Variants in MPPED2 observed in about 807,000 individuals in gnomAD.
MPPED2 encodes metallophosphoesterase domain containing 2.
A neutral mutation model predicts 33.0 loss-of-function variants in MPPED2; 5 were observed. The ratio of observed to expected loss-of-function variants is 0.15; its 90% CI spans 0.08 to 0.32. The LOEUF (loss-of-function observed/expected upper bound fraction) is 0.32. MPPED2 is among the 10% of genes least tolerant of loss of function. The pLI, the probability that MPPED2 is intolerant of heterozygous loss-of-function variation, is 1.00. For synonymous variants in MPPED2, 136 were observed against 141.9 expected, an observed-to-expected ratio of 0.96 and a Z score of 0.29; for missense variants, 275 against 372.1, an observed-to-expected ratio of 0.74 and a Z score of 2.15.
In MPPED2 at chr11:30,519,786, C is replaced by T. The variant is rs192137130; in HGVS notation, c.310+16208G>A. ...TTATTACTATTACTACCACTACCAT[C>T]ACCATCACCACCACTAACATTATTA... On this transcript the variant is annotated intron_variant, in intron 3 of 6. Coordinates refer to ENST00000358117, the MANE Select transcript of MPPED2 (RefSeq NM_001584.3). Among the ~76,000 whole-genome samples the T allele has an allele frequency of 2.0e-5, 3 of 152,204 alleles. No individual in the cohort carries two copies. In the East Asian group the frequency reaches 5.8e-4, roughly 30 times the overall value.
At chr11:30,484,811 C>G (rs1003474464) in intron 4 of MPPED2, among the ~76,000 whole-genome samples, 1 of 152,134 alleles carries the variant, frequency 6.6e-6, no homozygotes, top group African/African-American at 2.4e-5. Context: ...TGCAAAGAAA[C>G]TGTACAATAT....
At chr11:30,440,448 C>T (rs1021402565) in intron 4 of MPPED2, among the ~76,000 whole-genome samples, 1 of 152,150 alleles carries the variant, frequency 6.6e-6, no homozygotes, top group Non-Finnish European at 1.5e-5. Context: ...ACCATATGGG[C>T]CGTAAAGTCT....
At chr11:30,465,354 C>A (rs890793269) in intron 4 of MPPED2, among the ~76,000 whole-genome samples, 11 of 152,192 alleles carry the variant, frequency 7.2e-5, no homozygotes, top group Non-Finnish European at 1.3e-4. Flanking sequence ...GTGGCATGAT[C>A]TCAGCTCACT....
At position 30,415,991 on chromosome 11, in the gene MPPED2, G is replaced by A. The variant is rs1331415894; in HGVS notation, c.652+1527C>T. 5.3e-5 allele frequency among the ~76,000 whole-genome samples: 8 copies of A among 152,356 alleles called. No homozygotes were observed. The South Asian group carries it at 1.7e-3, about 32-fold the overall frequency. ...AGGTAGCTGAAATGATAACTCTGTA[G>A]GATGCTCTCACTGGGTAACTCATGC... is the stretch of plus-strand genomic sequence containing the variant. On this transcript the variant is annotated intron_variant, in intron 5 of 6. Transcript: ENST00000358117.
chr11:30,436,887 C>T (rs1037501761), intron 4 of MPPED2, among the ~76,000 whole-genome samples: 1 of 152,150 alleles, frequency 6.6e-6, no homozygotes, highest in African/African-American at 2.4e-5. Flanking sequence ...CCAAATCAGG[C>T]AACTTCTAGG....
intron 4 of MPPED2, among the ~76,000 whole-genome samples, chr11:30,431,471 A>G (rs2133846505): frequency 6.6e-6 from 1 of 152,362 alleles, no homozygotes; most frequent in South Asian, 2.1e-4. Flanking sequence ...GGAACATTAA[A>G]TGAAATAATC....
chr11:30,519,845 G>T (rs1953754673), intron 3 of MPPED2, among the ~76,000 whole-genome samples: 1 of 152,034 alleles, frequency 6.6e-6, no homozygotes, highest in Non-Finnish European at 1.5e-5. Context: ...TCTAAATTGA[G>T]GTAATAAAGG....
At chr11:30,528,702 T>C (rs917833461) in intron 3 of MPPED2, among the ~76,000 whole-genome samples, 1 of 152,196 alleles carries the variant, frequency 6.6e-6, no homozygotes, top group African/African-American at 2.4e-5. Flanking sequence ...CAAGTGATCC[T>C]TAGGCTTCAA....
At chr11:30,460,473 A>C (rs1170457626) in intron 4 of MPPED2, among the ~76,000 whole-genome samples, 6 of 152,010 alleles carry the variant, frequency 3.9e-5, no homozygotes, top group Admixed American at 3.9e-4. Flanking sequence ...TTTTTTTAAA[A>C]AGTTAGCCAG....
In MPPED2 at chr11:30,440,254, C is replaced by G. The variant is rs1480037862; in HGVS notation, c.537-22621G>C. On this transcript the variant is annotated intron_variant, in intron 4 of 6. Coordinates refer to ENST00000358117, the MANE Select transcript of MPPED2 (RefSeq NM_001584.3). ...CTCGGGCAGGAGAATTGCTTGAATC[C>G]GGGAGGCGGAGGTTGCAGTGAGCCG... Among the ~76,000 whole-genome samples the G allele has an allele frequency of 2.6e-5, 4 of 151,390 alleles. No individual in the cohort carries two copies. In the East Asian group the frequency reaches 5.8e-4, roughly 22 times the overall value.
At chr11:30,465,244 C>G (rs566278966) in intron 4 of MPPED2, among the ~76,000 whole-genome samples, 1 of 152,274 alleles carries the variant, frequency 6.6e-6, no homozygotes, top group South Asian at 2.1e-4. Flanking sequence ...ACACACTGGA[C>G]AGTAAATGTT....
intron 4 of MPPED2, among the ~76,000 whole-genome samples, chr11:30,482,289 T>C (rs915488578): frequency 1.3e-5 from 2 of 152,222 alleles, no homozygotes; most frequent in African/African-American, 4.8e-5. Context: ...CTGTACATTT[T>C]TGGTGAGGAT....
intron 2 of MPPED2, among the ~76,000 whole-genome samples, chr11:30,558,371 T>A (rs1698001615): frequency 6.6e-6 from 1 of 151,930 alleles, no homozygotes; most frequent in Non-Finnish European, 1.5e-5. Context: ...CTTTGTAAAC[T>A]TTTTTCCCCT....
chr11:30,404,619 A>T (rs1214455241), intron 6 of MPPED2, among the ~76,000 whole-genome samples: 2 of 152,182 alleles, frequency 1.3e-5, no homozygotes, highest in Non-Finnish European at 2.9e-5. Flanking sequence ...CCACTCATGT[A>T]ACTGGAGAAA....
At chr11:30,435,625 G>A (rs1949289087) in intron 4 of MPPED2, among the ~76,000 whole-genome samples, 1 of 152,208 alleles carries the variant, frequency 6.6e-6, no homozygotes, top group African/African-American at 2.4e-5. Context: ...AGCAGTGACA[G>A]ACACTGGACC....
At chr11:30,495,574 T>A in intron 3 of MPPED2, 53 bp from the exon 4 acceptor site, 2 of 1,351,136 alleles carry the variant, frequency 1.5e-6, no homozygotes, top group Non-Finnish European at 2.1e-6. Flanking sequence ...CATCACAAAG[T>A]ACAACAGCCG....
chr11:30,467,373 G>A (rs1459286969), intron 4 of MPPED2, among the ~76,000 whole-genome samples: 2 of 152,182 alleles, frequency 1.3e-5, no homozygotes, highest in Admixed American at 1.3e-4. Flanking sequence ...GTGGGGGAGT[G>A]ACAAGCTCTC....
chr11:30,462,555 A>C (rs1394138306), intron 4 of MPPED2, among the ~76,000 whole-genome samples: 2 of 152,188 alleles, frequency 1.3e-5, no homozygotes, highest in African/African-American at 2.4e-5. Flanking sequence ...TTTAAGTATT[A>C]TTTTAAACAA....
intron 2 of MPPED2, among the ~76,000 whole-genome samples, chr11:30,543,242 C>T (rs528836028): frequency 6.6e-6 from 1 of 152,316 alleles, no homozygotes; most frequent in African/African-American, 2.4e-5. Flanking sequence ...ATGGATTTTG[C>T]TTCCACATAC....
Sources: gnomAD v4.1 joint callset for allele counts (sites outside exome capture counted in the v4.1 genomes callset) on GRCh38, gnomAD v4.1.1 for gene constraint, MANE v1.5 for transcripts, NCBI Gene and HGNC (gene_info 2026-07-23, HGNC 2026-07-21) for gene names.